The following SYTL2 variants were observed in gnomAD, a reference collection of about 807,000 sequenced individuals.
SYTL2 encodes synaptotagmin-like protein 2.
SYTL2 carries 165 observed loss-of-function variants against 198.7 expected under a neutral mutation model. That is an observed-to-expected ratio of 0.83 (90% confidence interval 0.73 to 0.94). The LOEUF (loss-of-function observed/expected upper bound fraction) is 0.94. Ranked by LOEUF, SYTL2 falls within the 40% of genes least tolerant of loss-of-function variation. The pLI is 0.00. For missense variants in SYTL2, 2,835 were observed against 2,582.8 expected (o/e 1.10, Z -2.12); for synonymous variants, 966 against 917.7 (o/e 1.05, Z -0.95).
chr11:85,804,391 TCCAAAGATC>T (rs1018392187), intron 1 of SYTL2, among the ~76,000 whole-genome samples: 9 of 152,186 alleles, frequency 5.9e-5, no homozygotes, highest in Non-Finnish European at 1.2e-4. Flanking sequence ...CAGATTATCT[TCCAAAGATC>T]CAAGGCATGG....
intron 1 of SYTL2, among the ~76,000 whole-genome samples, chr11:85,779,587 T>A (rs1033112944): frequency 3.3e-5 from 5 of 152,172 alleles, no homozygotes; most frequent in Middle Eastern, 3.4e-3. Context: ...GAATTTCAAA[T>A]GTTCATTTCA....
intron 1 of SYTL2, among the ~76,000 whole-genome samples, chr11:85,772,989 T>C (rs1471278802): frequency 2.0e-5 from 3 of 152,330 alleles, no homozygotes; most frequent in East Asian, 3.9e-4. Context: ...CAAATGTTCC[T>C]ATGAGAATCT....
chr11:85,794,640 T>C (rs1232568516), intron 1 of SYTL2, among the ~76,000 whole-genome samples: 1 of 152,234 alleles, frequency 6.6e-6, no homozygotes, highest in Non-Finnish European at 1.5e-5. Context: ...CTTGCATTTA[T>C]CAAGACTTTT....
intron 4 of SYTL2, among the ~76,000 whole-genome samples, chr11:85,743,662 G>A (rs959171605): frequency 6.6e-6 from 1 of 152,116 alleles, no homozygotes; most frequent in African/African-American, 2.4e-5. Flanking sequence ...TGAATACTAT[G>A]TTATTAGCCT....
chr11:85,831,821 G>C, the SYTL2 span, among the ~76,000 whole-genome samples: 1 of 152,244 alleles, frequency 6.6e-6, no homozygotes, highest in Non-Finnish European at 1.5e-5. Flanking sequence ...TAAGAAATAA[G>C]CTAAACATAA....
Position 85,734,148 on chromosome 11 carries a change from T to C in SYTL2, c.1181A>G (p.His394Arg). The part of the protein sequence containing the change: ...PSQYRKPSLF[H>R]QSTSSPYVSK... ...TACATATGGGCTTGAGGTTGATTGA[T>C]GAAAAAGCGAAGGCTTTCTGTATTG... Residue 394 changes from histidine to arginine, a missense_variant, in exon 7 of 20, where the codon CAT becomes CGT. Physicochemically the swap from His to Arg is conservative, Grantham distance 29 (BLOSUM62 0). This residue lies in a region of SYTL2 where 2,645 missense variants were observed against 2,381.7 expected (regional missense o/e 1.11). Transcript: ENST00000359152. 1 of 1,614,192 alleles carries C rather than the reference T, an allele frequency of 6.2e-7. No individual in the cohort carries two copies. The highest frequency in any genetic ancestry group is 8.5e-7 in the Non-Finnish European group (1 of 1,180,008).
At chr11:85,808,826 C>T (rs2092994183) in intron 1 of SYTL2, among the ~76,000 whole-genome samples, 1 of 151,878 alleles carries the variant, frequency 6.6e-6, no homozygotes, top group Admixed American at 6.6e-5. Context: ...ATAATCTTAT[C>T]CCCCCAACTT....
At position 85,734,216 on chromosome 11, in the gene SYTL2, A is replaced by C. The variant is rs746772314; in HGVS notation, c.1113T>G (p.Asp371Glu). Residue 371 changes from aspartate to glutamate, a missense_variant, in exon 7 of 20, where the codon GAT (aspartate) becomes GAG (glutamate). By Grantham distance (45) the Asp-to-Glu change is conservative. This residue lies in a region of SYTL2 where 2,645 missense variants were observed against 2,381.7 expected (regional missense o/e 1.11). Coordinates refer to ENST00000359152, the MANE Select transcript of SYTL2 (RefSeq NM_206927.4). The stretch of plus-strand genomic sequence containing the variant: ...TCTGAAACTCTTCTGTGTCCCCTGC[A>C]TCTTCCATTCCATTTTTCAATCTGT... ...ESDRLKNGMEDAGDTEEFQSD... is the reference protein window; with the variant it reads ...ESDRLKNGMEEAGDTEEFQSD... 6.2e-6 allele frequency: 10 copies of C among 1,614,104 alleles called. No individual in the cohort carries two copies. Among genetic ancestry groups the C allele is most frequent in the South Asian group, 1.1e-5 (1 of 91,090 alleles).
upstream of SYTL2, among the ~76,000 whole-genome samples, chr11:85,816,114 G>A (rs1308885044): frequency 6.6e-6 from 1 of 152,066 alleles, no homozygotes; most frequent in African/African-American, 2.4e-5. Context: ...GCAGTGAGCC[G>A]AGATCACGCC....
intron 1 of SYTL2, among the ~76,000 whole-genome samples, chr11:85,768,018 C>A (rs568079897): frequency 2.0e-5 from 3 of 152,162 alleles, no homozygotes; most frequent in Admixed American, 2.0e-4. Context: ...GCAAGACACC[C>A]AGGGCACATA....
At chr11:85,799,938 T>A (rs1363486008) in intron 1 of SYTL2, among the ~76,000 whole-genome samples, 1 of 152,238 alleles carries the variant, frequency 6.6e-6, no homozygotes, top group Non-Finnish European at 1.5e-5. Context: ...CACTACAGCA[T>A]GCTGACCCTT....
upstream of SYTL2, among the ~76,000 whole-genome samples, chr11:85,811,464 T>G (rs1218082233): frequency 6.6e-6 from 1 of 152,062 alleles, no homozygotes; most frequent in East Asian, 1.9e-4. Context: ...TCACGGCGCG[T>G]TAGGGGGCCT....
At chr11:85,761,752 G>T (rs911433759) in intron 1 of SYTL2, among the ~76,000 whole-genome samples, 7 of 152,148 alleles carry the variant, frequency 4.6e-5, no homozygotes, top group African/African-American at 1.7e-4. Flanking sequence ...TCCACCTCCT[G>T]GGTTTAAGCA....
chr11:85,838,548 A>G, the SYTL2 span, among the ~76,000 whole-genome samples: 1 of 152,194 alleles, frequency 6.6e-6, no homozygotes, highest in Non-Finnish European at 1.5e-5. Context: ...TTCCAAACCC[A>G]GCAGAAGGCA....
intron 1 of SYTL2, among the ~76,000 whole-genome samples, chr11:85,800,389 C>T (rs750434284): frequency 7.9e-5 from 12 of 152,196 alleles, no homozygotes; most frequent in Non-Finnish European, 1.2e-4. Context: ...GATCCTCCCA[C>T]TTCAGCCTCC....
upstream of SYTL2, among the ~76,000 whole-genome samples, chr11:85,812,282 G>A (rs1353011694): frequency 6.6e-6 from 1 of 152,106 alleles, no homozygotes; most frequent in Admixed American, 6.5e-5. Flanking sequence ...TCTGCCTTTG[G>A]TTCTTCCAAA....
intron 1 of SYTL2, among the ~76,000 whole-genome samples, chr11:85,771,857 G>A (rs2092361332): frequency 6.6e-6 from 1 of 151,924 alleles, no homozygotes; most frequent in Non-Finnish European, 1.5e-5. Flanking sequence ...ACCCTGCATG[G>A]AAAGACATTT....
chr11:85,812,841 T>C (rs1266608000), upstream of SYTL2, among the ~76,000 whole-genome samples: 1 of 152,216 alleles, frequency 6.6e-6, no homozygotes, highest in East Asian at 1.9e-4. Context: ...CTGTTGGTGA[T>C]GGCTGTTGGC....
intron 1 of SYTL2, among the ~76,000 whole-genome samples, chr11:85,788,923 A>C (rs1327674042): frequency 2.0e-5 from 3 of 151,550 alleles, no homozygotes; most frequent in Non-Finnish European, 4.4e-5. Context: ...CACACAGCAC[A>C]TGTGTCAAAG....
Sources: gnomAD v4.1 joint callset for allele counts (sites outside exome capture counted in the v4.1 genomes callset) on GRCh38, gnomAD v4.1.1 for gene constraint, gnomAD v4.1.1 regional missense constraint, MANE v1.5 for transcripts, NCBI Gene and HGNC (gene_info 2026-07-23, HGNC 2026-07-21) for gene names.